USO1: variants seen among roughly 807,000 people sequenced by gnomAD.
USO1 encodes the protein general vesicular transport factor p115.
Under a neutral mutation model 124.5 loss-of-function variants are expected in USO1, and 57 were observed. The observed-to-expected ratio is 0.46, with a 90% CI of 0.37 to 0.57. The LOEUF is 0.57. Among genes scored for constraint, USO1 ranks in the 20% least tolerant of loss-of-function variants. USO1 has a pLI of 0.00. For synonymous variants in USO1, 369 were observed against 362.8 expected (o/e 1.02, Z -0.19); for missense variants, 900 against 1,040.6 (o/e 0.86, Z 1.86).
At chr4:75,796,291 C>T (rs970749555) in intron 13 of USO1, among the ~76,000 whole-genome samples, 3 of 146,242 alleles carry the variant, frequency 2.1e-5, no homozygotes, top group African/African-American at 4.9e-5. Flanking sequence ...AACCACCACC[C>T]AAAACTAGAT....
chr4:75,812,419 G>T, intron 23 of USO1, 44 bp downstream of exon 23: 1 of 1,519,190 alleles, frequency 6.6e-7, no homozygotes, highest in Non-Finnish European at 8.8e-7. Flanking sequence ...TTATGTTTTA[G>T]TATAATGCAT....
intron 3 of USO1, 135 bp downstream of exon 3, chr4:75,752,739 T>G: frequency 2.6e-6 from 1 of 384,964 alleles, no homozygotes; most frequent in East Asian, 3.7e-5. Flanking sequence ...TTGCCCACGC[T>G]GGTCTCGAAC....
chr4:75,778,111 T>C (rs1412438492), intron 8 of USO1, among the ~76,000 whole-genome samples: 2 of 152,170 alleles, frequency 1.3e-5, no homozygotes, highest in African/African-American at 4.8e-5. Context: ...TTATTCCAAC[T>C]ATAGTTGACC....
At chr4:75,792,301 C>T (rs1722553321) in intron 12 of USO1, among the ~76,000 whole-genome samples, 2 of 152,098 alleles carry the variant, frequency 1.3e-5, no homozygotes, top group Admixed American at 1.3e-4. Context: ...CTTTGGGAGG[C>T]CAAGGCGGGT....
intron 4 of USO1, among the ~76,000 whole-genome samples, chr4:75,762,029 A>G (rs1163635971): frequency 6.6e-6 from 1 of 151,874 alleles, no homozygotes; most frequent in Non-Finnish European, 1.5e-5. Context: ...TTTATCTTTC[A>G]TGTTTATCTT....
At chr4:75,802,743 T>C (rs1240500123) in intron 17 of USO1, among the ~76,000 whole-genome samples, 6 of 137,274 alleles carry the variant, frequency 4.4e-5, no homozygotes, top group East Asian at 4.3e-4. Context: ...TTTCTTTTTT[T>C]TTTTTTTTTT....
intron 4 of USO1, 76 bp from the exon 5 acceptor site, chr4:75,770,363 G>A (rs755601630): frequency 7.7e-5 from 106 of 1,367,796 alleles, no homozygotes; most frequent in East Asian, 4.4e-4. Context: ...TATCATTCAC[G>A]CTTAACTCTT....
At chr4:75,754,330 A>G (rs889793071) in intron 3 of USO1, among the ~76,000 whole-genome samples, 2 of 143,886 alleles carry the variant, frequency 1.4e-5, no homozygotes, top group Admixed American at 1.4e-4. Context: ...TGATCCGCCC[A>G]CCTCAGCCTC....
intron 18 of USO1, 83 bp from the exon 19 acceptor site, chr4:75,805,057 A>G: frequency 6.9e-7 from 1 of 1,452,334 alleles, no homozygotes; most frequent in Admixed American, 2.9e-5. Flanking sequence ...GAATGAAGAA[A>G]ATTACATATT....
chr4:75,770,449 C>T lies in USO1; in HGVS notation c.306C>T (p.Ser102=). 6.4e-7 allele frequency: 1 copy of T among 1,564,518 alleles called. No individual in the cohort carries two copies. The change falls in exon 5 of 24, where the codon TCC becomes TCT. Residue 102 remains serine, a synonymous_variant. Coordinates refer to ENST00000514213, the MANE Select transcript of USO1 (RefSeq NM_003715.4). ...NEEEEEVEEN[S]TRQSEDLGSQ... ...TTTTGAATATTACAGAAGAAAATTC[C>T]ACAAGACAGAGTGAAGATTTGGGAA...
chr4:75,747,003 G>A (rs1405841482), intron 1 of USO1, among the ~76,000 whole-genome samples: 1 of 152,102 alleles, frequency 6.6e-6, no homozygotes, highest in Admixed American at 6.6e-5. Context: ...ATTTATTGAA[G>A]ATTCATAGGT....
At chr4:75,794,744 A>G (rs1722632617) in intron 13 of USO1, among the ~76,000 whole-genome samples, 1 of 152,198 alleles carries the variant, frequency 6.6e-6, no homozygotes, top group African/African-American at 2.4e-5. Context: ...ACACTCGTTG[A>G]ATTTTTCCTT....
At chr4:75,766,161 AAGAG>A (rs1308894306) in intron 4 of USO1, among the ~76,000 whole-genome samples, 8 of 152,188 alleles carry the variant, frequency 5.3e-5, no homozygotes, top group Non-Finnish European at 1.2e-4. Flanking sequence ...TTTTATGAGA[AAGAG>A]AGAAATATAA....
intron 14 of USO1, 85 bp downstream of exon 14, chr4:75,799,817 A>G: frequency 1.4e-6 from 2 of 1,459,920 alleles, no homozygotes; most frequent in African/African-American, 1.4e-5. Context: ...TTCTATGCCC[A>G]AAATATTTGA....
intron 1 of USO1, among the ~76,000 whole-genome samples, chr4:75,743,058 C>T (rs910379949): frequency 2.0e-5 from 3 of 150,834 alleles, no homozygotes; most frequent in Admixed American, 2.0e-4. Context: ...GATCTCGGCT[C>T]ACTGCAGGCT....
chr4:75,795,354 C>T (rs545983589), intron 13 of USO1: 67 of 702,084 alleles, frequency 9.5e-5, no homozygotes, highest in African/African-American at 5.6e-4. Context: ...GATCGACAGA[C>T]GGGTATGTAT....
chr4:75,770,989 G>A, intron 6 of USO1, 65 bp downstream of exon 6: 15 of 1,598,242 alleles, frequency 9.4e-6, no homozygotes, highest in Non-Finnish European at 1.2e-5. Flanking sequence ...TAGAGAAAGG[G>A]ACTGAAATGG....
chr4:75,741,738 G>A (rs1363870469), intron 1 of USO1, among the ~76,000 whole-genome samples: 1 of 151,536 alleles, frequency 6.6e-6, no homozygotes. Context: ...TCGAGTAGCT[G>A]GGATTACAGG....
chr4:75,779,050 G>A (rs1722148750), intron 8 of USO1, among the ~76,000 whole-genome samples: 1 of 152,128 alleles, frequency 6.6e-6, no homozygotes, highest in African/African-American at 2.4e-5. Flanking sequence ...TTATGGTGAT[G>A]TGATCAGTGA....
Sources: allele counts gnomAD v4.1 joint callset (sites outside exome capture counted in the v4.1 genomes callset), GRCh38; gene constraint gnomAD v4.1.1; transcripts MANE v1.5; gene names NCBI Gene and HGNC (gene_info 2026-07-23, HGNC 2026-07-21).